Variants in DNPEP observed in about 807,000 individuals in gnomAD.
DNPEP encodes aspartyl aminopeptidase.
Under a neutral mutation model 59.1 loss-of-function variants are expected in DNPEP, and 46 were observed. That is an observed-to-expected ratio of 0.78 (90% CI 0.61 to 0.99). DNPEP has a LOEUF of 0.99. Ranked by LOEUF, DNPEP falls within the 50% of genes least tolerant of loss-of-function variation. DNPEP has a pLI of 0.00. For missense variants in DNPEP, 617 were observed against 649.9 expected (o/e 0.95, Z 0.55); for synonymous variants, 229 against 242.2 (o/e 0.95, Z 0.50).
intron 13 of DNPEP, among the ~76,000 whole-genome samples, chr2:219,380,842 T>TACACACACACACACACAGACACACACAC (rs1953564997): frequency 6.9e-6 from 1 of 145,682 alleles, no homozygotes; most frequent in Non-Finnish European, 1.5e-5. Context: ...CATATATATG[T>TACACACACACACACACAGACACACACAC]ACACACACAC....
chr2:219,379,478 A>T (rs1370465379), intron 13 of DNPEP, among the ~76,000 whole-genome samples: 1 of 152,210 alleles, frequency 6.6e-6, no homozygotes, highest in African/African-American at 2.4e-5. Flanking sequence ...TAAAAATTTT[A>T]AAAATAACGA....
At chr2:219,378,458 C>T (rs930057543) in intron 13 of DNPEP, among the ~76,000 whole-genome samples, 4 of 152,190 alleles carry the variant, frequency 2.6e-5, no homozygotes, top group African/African-American at 7.2e-5. Context: ...GAGAAGGCTT[C>T]CTGGGGGCAG....
chr2:219,387,916 G>C (rs1269481999), upstream of DNPEP: 8 of 1,338,088 alleles, frequency 6.0e-6, no homozygotes, highest in Admixed American at 8.8e-5. Context: ...ACGCTTCCCC[G>C]GCCGCGCCGC....
chr2:219,376,839 AG>A (rs1953393194), intron 13 of DNPEP, among the ~76,000 whole-genome samples: 1 of 152,170 alleles, frequency 6.6e-6, no homozygotes, highest in Non-Finnish European at 1.5e-5. Context: ...TCAGGTCAAT[AG>A]GGGAAAAGCA....
At chr2:219,380,689 A>AT (rs1309838129) in intron 13 of DNPEP, among the ~76,000 whole-genome samples, 8 of 152,146 alleles carry the variant, frequency 5.3e-5, no homozygotes, top group South Asian at 2.1e-4. Flanking sequence ...CATATACTCC[A>AT]TGATGCTCAC....
chr2:219,395,510 T>A (rs1681956087), intron 1 of DNPEP, among the ~76,000 whole-genome samples: 1 of 152,148 alleles, frequency 6.6e-6, no homozygotes, highest in Non-Finnish European at 1.5e-5. Context: ...ATTTCTTAGC[T>A]CAGAACTCCA....
At position 219,386,060 on chromosome 2, in the gene DNPEP, G is replaced by A. The variant is rs551638071; in HGVS notation, c.498C>T (p.His166=). The change falls in exon 6 of 15, where the codon CAC becomes CAT. Residue 166 remains histidine, a synonymous_variant. Coordinates refer to ENST00000273075, the MANE Select transcript of DNPEP (RefSeq NM_012100.4). ...TSGRLEQQLV[H]VERPILRIPH... ...GGATGCGAAGAATGGGCCGCTCCAC[G>A]TGCACCAGCTGCTGCTCCAGCCGAC... The A allele has an allele frequency of 4.1e-5, 66 of 1,614,096 alleles. No individual in the cohort carries two copies. The highest frequency in any genetic ancestry group is 2.4e-4 in the African/African-American group (18 of 75,016).
chr2:219,381,689 G>T, intron 11 of DNPEP, 105 bp from the exon 12 acceptor site: 3 of 1,304,134 alleles, frequency 2.3e-6, no homozygotes, highest in Non-Finnish European at 3.3e-6. Flanking sequence ...ACTCTTTCCC[G>T]CCCAGCCCAG....
intron 1 of DNPEP, among the ~76,000 whole-genome samples, chr2:219,396,755 C>T (rs958275180): frequency 1.3e-5 from 2 of 152,182 alleles, no homozygotes; most frequent in African/African-American, 2.4e-5. Context: ...CCTACGCACA[C>T]ACATTTTACC....
intron 14 of DNPEP, 66 bp downstream of exon 14, chr2:219,374,789 G>A: frequency 1.3e-6 from 2 of 1,555,132 alleles, no homozygotes; most frequent in Non-Finnish European, 1.8e-6. Context: ...TGTTGTCCCA[G>A]CAACCAATCC....
At chr2:219,396,113 T>A (rs1954093066) in intron 1 of DNPEP, among the ~76,000 whole-genome samples, 1 of 151,992 alleles carries the variant, frequency 6.6e-6, no homozygotes, top group Non-Finnish European at 1.5e-5. Flanking sequence ...AACAGATTAG[T>A]GGTTGCTCAG....
intron 1 of DNPEP, among the ~76,000 whole-genome samples, chr2:219,396,597 G>GA (rs201043850): frequency 6.7e-5 from 10 of 149,342 alleles, no homozygotes; most frequent in African/African-American, 9.8e-5. Context: ...CAAAAAAAAA[G>GA]AAAAAAAAAG....
intron 1 of DNPEP, among the ~76,000 whole-genome samples, chr2:219,394,079 G>A (rs1168386230): frequency 6.6e-6 from 1 of 152,030 alleles, no homozygotes; most frequent in East Asian, 1.9e-4. Context: ...TCCAGCAGTG[G>A]CCTCATTTTC....
At chr2:219,380,554 C>T (rs1232676540) in intron 13 of DNPEP, among the ~76,000 whole-genome samples, 1 of 152,024 alleles carries the variant, frequency 6.6e-6, no homozygotes, top group Non-Finnish European at 1.5e-5. Flanking sequence ...GATACACTGA[C>T]CATTTTGTTA....
rs1953230423 is a variant in DNPEP, at chr2:219,372,770, T to C, written c.*1522A>G. ...TCTCTTCATGTTAGTACACACACTA[T>C]ACAATTTATCTTTTTCTCAATAGCT... On this transcript the variant is annotated 3_prime_UTR_variant, in exon 15 of 15. Coordinates refer to ENST00000273075, the MANE Select transcript of DNPEP (RefSeq NM_012100.4). 6.6e-6 allele frequency among the ~76,000 whole-genome samples: 1 copy of C among 152,278 alleles called. No individual in the cohort carries two copies. Among genetic ancestry groups the C allele is most frequent in the African/African-American group, 2.4e-5 (1 of 41,474 alleles).
chr2:219,389,525 C>T (rs1430405997), upstream of DNPEP, among the ~76,000 whole-genome samples: 2 of 152,126 alleles, frequency 1.3e-5, no homozygotes, highest in African/African-American at 4.8e-5. Context: ...CATTCCCTAA[C>T]CGTTTGTTGA....
Position 219,382,032 on chromosome 2 carries a change from G to A in DNPEP, c.1044C>T (p.Pro348=), listed in dbSNP as rs750780011. ...QHPTAFEEAI[P]KSFMISADMA... is the part of the protein sequence containing the mutation. ...TGTCTGCGCTGATCATGAAGGACTT[G>A]GGTATGGCTTCCTCGAAGGCTGTCG... Residue 348 remains proline (P), a synonymous_variant, in exon 11 of 15, where the codon CCC becomes CCT. Coordinates refer to ENST00000273075, the MANE Select transcript of DNPEP (RefSeq NM_012100.4). 1.2e-6 allele frequency: 2 copies of A among 1,614,212 alleles called. No individual in the cohort carries two copies. Among genetic ancestry groups the A allele is most frequent in the Non-Finnish European group, 8.5e-7 (1 of 1,180,056 alleles).
intron 9 of DNPEP, 28 bp from the exon 10 acceptor site, chr2:219,383,242 C>T (rs369107347): frequency 8.7e-6 from 14 of 1,600,544 alleles, no homozygotes; most frequent in East Asian, 2.2e-5. Context: ...ATGAGAGCAT[C>T]ATCTCCAACC....
chr2:219,380,842 T>TACACACAC (rs58867229), intron 13 of DNPEP, among the ~76,000 whole-genome samples: 286 of 145,784 alleles, frequency 2.0e-3, no homozygotes, highest in Middle Eastern at 6.9e-3. Context: ...CATATATATG[T>TACACACAC]ACACACACAC....
Sources: allele counts gnomAD v4.1 joint callset (sites outside exome capture counted in the v4.1 genomes callset), GRCh38; gene constraint gnomAD v4.1.1; transcripts MANE v1.5; gene names NCBI Gene and HGNC (gene_info 2026-07-23, HGNC 2026-07-21).